Variants in PAX3 observed in about 807,000 individuals in gnomAD.
PAX3 encodes the protein paired box 3.
PAX3 carries 14 observed loss-of-function variants against 51.6 expected under a neutral mutation model. The ratio of observed to expected loss-of-function variants is 0.27; its 90% CI spans 0.18 to 0.42. The LOEUF is 0.42. Ranked by LOEUF, PAX3 falls within the 10% of genes least tolerant of loss-of-function variation. The probability of loss-of-function intolerance (pLI) is 1.00; values close to 1 mark genes in which losing one functional copy is unlikely to be tolerated. For synonymous variants in PAX3, 280 were observed against 253.4 expected, an observed-to-expected ratio of 1.11 and a Z score of -1.00; for missense variants, 540 against 642.8, an observed-to-expected ratio of 0.84 and a Z score of 1.73.
At chr2:222,263,229 A>G (rs949489938) in intron 4 of PAX3, 1 of 152,212 alleles carries the variant, frequency 6.6e-6, no homozygotes, top group African/African-American at 2.4e-5. Context: ...AAAGACCTGC[A>G]TTGAGAATAT....
chr2:222,298,499 G>T, intron 1 of PAX3, 32 bp downstream of exon 1: 2 of 1,555,228 alleles, frequency 1.3e-6, no homozygotes, highest in Non-Finnish European at 1.7e-6. Context: ...CAGGCCCTGG[G>T]ATCCAGGCGG....
At chr2:222,245,754 G>A (rs1292965704) in intron 4 of PAX3, among the ~76,000 whole-genome samples, 2 of 151,074 alleles carry the variant, frequency 1.3e-5, no homozygotes, top group Admixed American at 6.6e-5. Context: ...TGGATCACCT[G>A]AGGTCAGGAG....
At chr2:222,262,194 T>C (rs1002070039) in intron 4 of PAX3, among the ~76,000 whole-genome samples, 1 of 152,270 alleles carries the variant, frequency 6.6e-6, no homozygotes, top group Middle Eastern at 3.2e-3. Flanking sequence ...ATTTTATTAC[T>C]GAACAAGACT....
At chr2:222,201,733 A>G (rs972225778) in intron 8 of PAX3, 4 of 1,462,536 alleles carry the variant, frequency 2.7e-6, no homozygotes, top group African/African-American at 1.4e-5. Context: ...CGTCTCAACA[A>G]TTAATAACCG....
chr2:222,204,616 T>C (rs1691433392), intron 7 of PAX3, among the ~76,000 whole-genome samples: 1 of 152,196 alleles, frequency 6.6e-6, no homozygotes, highest in Non-Finnish European at 1.5e-5. Flanking sequence ...AAAAACACTT[T>C]AAAATGTGAT....
chr2:222,234,238 A>G (rs1365998244), intron 4 of PAX3, among the ~76,000 whole-genome samples: 1 of 152,162 alleles, frequency 6.6e-6, no homozygotes, highest in African/African-American at 2.4e-5. Context: ...AAAACAAAAG[A>G]GAAGTATTAC....
rs766170721 is a variant in PAX3 at position 222,276,292 on chromosome 2, A to AAGG, written c.586+17874_586+17875insCCT. On this transcript the variant is annotated intron_variant, in intron 4 of 8. Coordinates refer to ENST00000392070, the MANE Select transcript of PAX3 (RefSeq NM_181458.4). ...AGAAAGCACGCATCTCCCTGCGTGG[A>AAGG]AGAAGAGCCGGTGTGTTCACCTGTG... is the stretch of plus-strand genomic sequence containing the variant. Among the ~76,000 whole-genome samples, 9 of 152,322 alleles carry AAGG rather than the reference A, an allele frequency of 5.9e-5. No individual in the cohort carries two copies. In the South Asian group the frequency reaches 1.2e-3, roughly 21 times the overall value.
chr2:222,209,696 C>CAAAAAAAAAAAAAAAAAAAA (rs546468709), intron 7 of PAX3, among the ~76,000 whole-genome samples: 3 of 61,372 alleles, frequency 4.9e-5, no homozygotes, highest in African/African-American at 6.6e-5. Flanking sequence ...TCTGTCTCTA[C>CAAAAAAAAAAAAAAAAAAAA]AAAAAAAAAA....
intron 7 of PAX3, among the ~76,000 whole-genome samples, chr2:222,206,520 G>A (rs901824039): frequency 4.6e-5 from 7 of 151,996 alleles, no homozygotes; most frequent in African/African-American, 9.7e-5. Context: ...TTATGTCCAC[G>A]TTTCTCCTAG....
At position 222,295,612 on chromosome 2, in the gene PAX3, T is replaced by C. The variant is rs1451539397; in HGVS notation, c.367A>G (p.Arg123Gly). ...DVEKKIEEYKRENPGMFSWEI... is the reference protein window; with the variant it reads ...DVEKKIEEYKGENPGMFSWEI... ...CAGCTGAACATGCCCGGGTTCTCTCTTTTGTATTCCTCAATTTTCTTCTCC... is the reference window on the plus strand; with the variant it reads ...CAGCTGAACATGCCCGGGTTCTCTCCTTTGTATTCCTCAATTTTCTTCTCC... Residue 123 changes from arginine (R) to glycine (G), a missense_variant, in exon 3 of 9, where the codon AGA (arginine) becomes GGA (glycine). This residue lies in a region of PAX3 where 427 missense variants were observed against 483.6 expected (regional missense o/e 0.88). Transcript: ENST00000392070. 2 of 1,614,218 alleles carry C rather than the reference T, an allele frequency of 1.2e-6. No homozygotes were observed. The highest frequency in any genetic ancestry group is 1.7e-6 in the Non-Finnish European group (2 of 1,180,030).
intron 4 of PAX3, among the ~76,000 whole-genome samples, chr2:222,242,213 G>A (rs181310748): frequency 2.6e-5 from 4 of 152,104 alleles, no homozygotes; most frequent in African/African-American, 7.2e-5. Flanking sequence ...AGTGTGTTTC[G>A]TCCATTGAAC....
At chr2:222,246,210 A>C (rs1330984502) in intron 4 of PAX3, among the ~76,000 whole-genome samples, 2 of 152,150 alleles carry the variant, frequency 1.3e-5, no homozygotes, top group Non-Finnish European at 2.9e-5. Flanking sequence ...TAAATAAATT[A>C]AAGCTTTTCC....
chr2:222,240,933 A>C (rs1367410), intron 4 of PAX3, among the ~76,000 whole-genome samples: 85,609 of 152,008 alleles, frequency 0.56, 24,690 homozygotes, highest in East Asian at 0.83. Flanking sequence ...AGAGGAAAGT[A>C]CACAAGAAAA....
intron 7 of PAX3, among the ~76,000 whole-genome samples, chr2:222,202,767 T>C (rs1383356638): frequency 2.6e-5 from 4 of 151,164 alleles, no homozygotes; most frequent in African/African-American, 9.7e-5. Context: ...TAATTAGAAA[T>C]ATTTACTCCT....
chr2:222,221,620 C>T, intron 5 of PAX3: 3 of 492,982 alleles, frequency 6.1e-6, no homozygotes, highest in Non-Finnish European at 1.1e-5. Flanking sequence ...ACAACAGCCC[C>T]CATGAACCTT....
intron 4 of PAX3, among the ~76,000 whole-genome samples, chr2:222,236,280 G>C (rs777146181): frequency 6.6e-6 from 1 of 152,252 alleles, no homozygotes; most frequent in Middle Eastern, 3.4e-3. Context: ...TTGTTTTAGA[G>C]ACAGGGTCTT....
At chr2:222,235,650 A>G (rs1436832872) in intron 4 of PAX3, among the ~76,000 whole-genome samples, 1 of 152,190 alleles carries the variant, frequency 6.6e-6, no homozygotes, top group African/African-American at 2.4e-5. Context: ...TCAAACAGGA[A>G]TGCAGGTATC....
At chr2:222,241,439 C>T (rs180785454) in intron 4 of PAX3, among the ~76,000 whole-genome samples, 36 of 152,238 alleles carry the variant, frequency 2.4e-4, no homozygotes, top group African/African-American at 7.5e-4. Flanking sequence ...CAGCTTTTCA[C>T]GGAGCTGCCG....
chr2:222,241,479 T>C (rs963533022), intron 4 of PAX3, among the ~76,000 whole-genome samples: 3 of 152,194 alleles, frequency 2.0e-5, no homozygotes, highest in African/African-American at 7.2e-5. Flanking sequence ...CATAAAACAG[T>C]GCGTTGAAAG....
Sources: gnomAD v4.1 joint callset for allele counts (sites outside exome capture counted in the v4.1 genomes callset) on GRCh38, gnomAD v4.1.1 for gene constraint, gnomAD v4.1.1 regional missense constraint, MANE v1.5 for transcripts, NCBI Gene and HGNC (gene_info 2026-07-23, HGNC 2026-07-21) for gene names.